The following FAM241A variants were observed in gnomAD, a reference collection of about 807,000 sequenced individuals.
FAM241A encodes family with sequence similarity 241 member A.
In FAM241A, 7 loss-of-function variants were observed where a neutral mutation model predicts 12.2. That is an observed-to-expected ratio of 0.58 (90% CI 0.33 to 1.08). The LOEUF (loss-of-function observed/expected upper bound fraction) is 1.08. Ranked by LOEUF, FAM241A falls within the 50% of genes least tolerant of loss-of-function variation. The pLI, the probability that FAM241A is intolerant of heterozygous loss-of-function variation, is 0.04. For missense variants in FAM241A, 161 were observed against 169.7 expected (o/e 0.95, Z 0.29); for synonymous variants, 74 against 68.2 (o/e 1.08, Z -0.42).
At chr4:112,175,613 C>T (rs367866397) in intron 1 of FAM241A, among the ~76,000 whole-genome samples, 227 of 152,024 alleles carry the variant, frequency 1.5e-3, no homozygotes, top group Non-Finnish European at 2.4e-3. Context: ...ACTAAAAATA[C>T]GAAAATTAGC....
rs902257021 is a variant in FAM241A, at chr4:112,189,969, TAAAAG to T, written c.*3035_*3039del. 1 of 143,514 alleles carries T rather than the reference TAAAAG, an allele frequency of 7.0e-6. No homozygotes were observed. The highest frequency in any genetic ancestry group is 1.5e-5 in the Non-Finnish European group (1 of 65,364). 8.9% of individuals were successfully genotyped at this position (143,514 alleles called of 1,614,324 possible). On this transcript the variant is annotated 3_prime_UTR_variant, in exon 2 of 2. Transcript: ENST00000309733. ...AAAGAACAGAACACATTTTGTGAAA[TAAAAG>T]AAAGCATATGAGGTAAATCCCCATC...
chr4:112,179,632 C>T (rs191499252), intron 1 of FAM241A, among the ~76,000 whole-genome samples: 4 of 151,802 alleles, frequency 2.6e-5, no homozygotes, highest in African/African-American at 9.7e-5. Flanking sequence ...GGGTGCAGCA[C>T]ACCAACCTGG....
intron 1 of FAM241A, chr4:112,171,539 T>G (rs917424974): frequency 4.8e-5 from 36 of 754,946 alleles, no homozygotes; most frequent in Non-Finnish European, 7.5e-5. Context: ...AAGTGTCATC[T>G]TTTGTTTTAT....
intron 1 of FAM241A, among the ~76,000 whole-genome samples, chr4:112,167,673 A>C (rs371716784): frequency 3.7e-4 from 56 of 152,348 alleles, no homozygotes; most frequent in East Asian, 2.5e-3. Context: ...GCAGTGTTTT[A>C]TATGGTAATT....
At chr4:112,171,515 A>G in intron 1 of FAM241A, 1 of 766,250 alleles carries the variant, frequency 1.3e-6, no homozygotes, top group South Asian at 1.3e-5. Context: ...GAAAGGCCCA[A>G]GTGATTCAGT....
intron 1 of FAM241A, among the ~76,000 whole-genome samples, chr4:112,179,943 A>AGATATATATATATATATATATG (rs1723898637): frequency 7.7e-6 from 1 of 129,514 alleles, no homozygotes; most frequent in African/African-American, 2.9e-5. Context: ...ATATATGTAT[A>AGATATATATATATATATATATG]TGTGTGTGTG....
chr4:112,156,234 A>G (rs977859720), intron 1 of FAM241A, among the ~76,000 whole-genome samples: 1 of 152,170 alleles, frequency 6.6e-6, no homozygotes, highest in Non-Finnish European at 1.5e-5. Context: ...GATCAATTCT[A>G]TCTCAGGTCA....
chr4:112,168,008 A>G (rs1723634597), intron 1 of FAM241A, among the ~76,000 whole-genome samples: 1 of 152,256 alleles, frequency 6.6e-6, no homozygotes, highest in African/African-American at 2.4e-5. Flanking sequence ...CAAGTAGGGC[A>G]CAGCACATCT....
At chr4:112,149,230 T>A (rs962740782) in intron 1 of FAM241A, among the ~76,000 whole-genome samples, 2 of 152,118 alleles carry the variant, frequency 1.3e-5, no homozygotes, top group Admixed American at 6.6e-5. Flanking sequence ...AATCTCAAAC[T>A]ACTAGCCTCA....
At chr4:112,165,556 G>A (rs77419030) in intron 1 of FAM241A, among the ~76,000 whole-genome samples, 1 of 152,200 alleles carries the variant, frequency 6.6e-6, no homozygotes, top group Non-Finnish European at 1.5e-5. Flanking sequence ...TTATACCCAA[G>A]GGAGTACTAT....
At chr4:112,169,514 T>G (rs1431028603) in intron 1 of FAM241A, among the ~76,000 whole-genome samples, 5 of 151,550 alleles carry the variant, frequency 3.3e-5, no homozygotes, top group Admixed American at 6.6e-5. Context: ...AACAAAAGAG[T>G]GAGAAAGATC....
intron 1 of FAM241A, among the ~76,000 whole-genome samples, chr4:112,149,452 T>C (rs1162103126): frequency 6.6e-6 from 1 of 152,222 alleles, no homozygotes; most frequent in Non-Finnish European, 1.5e-5. Flanking sequence ...ACACCGCACA[T>C]TGAAGTTGCT....
At chr4:112,162,402 T>C (rs1723494392) in intron 1 of FAM241A, among the ~76,000 whole-genome samples, 1 of 152,216 alleles carries the variant, frequency 6.6e-6, no homozygotes, top group South Asian at 2.1e-4. Context: ...ATTATATATT[T>C]AGAAAACTCC....
At chr4:112,148,725 T>C (rs1723188131) in intron 1 of FAM241A, among the ~76,000 whole-genome samples, 1 of 152,190 alleles carries the variant, frequency 6.6e-6, no homozygotes, top group South Asian at 2.1e-4. Context: ...GGTAATTGTG[T>C]GTATGAGAGA....
intron 1 of FAM241A, among the ~76,000 whole-genome samples, chr4:112,176,457 A>G (rs1396977743): frequency 6.6e-6 from 1 of 152,242 alleles, no homozygotes; most frequent in Non-Finnish European, 1.5e-5. Flanking sequence ...TAATTTGCCC[A>G]ATGTCACACA....
intron 1 of FAM241A, among the ~76,000 whole-genome samples, chr4:112,174,123 G>T (rs1025326243): frequency 2.0e-5 from 3 of 152,132 alleles, no homozygotes; most frequent in African/African-American, 7.2e-5. Context: ...ATTCCAGGTA[G>T]GTATAGCTGA....
intron 1 of FAM241A, among the ~76,000 whole-genome samples, chr4:112,151,225 A>T (rs530940394): frequency 3.9e-5 from 6 of 152,080 alleles, no homozygotes; most frequent in South Asian, 2.1e-4. Context: ...TGTTTAAAAG[A>T]ATCTGGGACC....
chr4:112,166,542 T>C (rs1156872856), intron 1 of FAM241A, among the ~76,000 whole-genome samples: 1 of 152,090 alleles, frequency 6.6e-6, no homozygotes, highest in Non-Finnish European at 1.5e-5. Flanking sequence ...AAGCATGTTT[T>C]CTGAAAAAGA....
chr4:112,148,108 C>T (rs1003733224), intron 1 of FAM241A, among the ~76,000 whole-genome samples: 2 of 151,924 alleles, frequency 1.3e-5, no homozygotes, highest in African/African-American at 4.8e-5. Context: ...GTATTAAGTC[C>T]CTTTCTATTT....
Sources: gnomAD v4.1 joint callset for allele counts (sites outside exome capture counted in the v4.1 genomes callset) on GRCh38, gnomAD v4.1.1 for gene constraint, MANE v1.5 for transcripts, NCBI Gene and HGNC (gene_info 2026-07-23, HGNC 2026-07-21) for gene names.